TMCO1: variants seen among roughly 807,000 people sequenced by gnomAD.
The protein encoded by TMCO1 is calcium load-activated calcium channel.
Under a neutral mutation model 29.3 loss-of-function variants are expected in TMCO1, and 29 were observed. That is an observed-to-expected ratio of 0.99 (90% CI 0.74 to 1.35). The LOEUF (loss-of-function observed/expected upper bound fraction) is 1.35. Among genes scored for constraint, TMCO1 ranks in the 40% most tolerant of loss-of-function variants. The probability of loss-of-function intolerance (pLI) is 0.00; values close to 1 mark genes in which losing one functional copy is unlikely to be tolerated. For synonymous variants in TMCO1, 80 were observed against 77.1 expected (o/e 1.04, Z -0.20); for missense variants, 173 against 225.5 (o/e 0.77, Z 1.49).
chr1:165,730,500 C>T (rs1367746869), intron 6 of TMCO1, among the ~76,000 whole-genome samples: 2 of 152,182 alleles, frequency 1.3e-5, no homozygotes, highest in African/African-American at 2.4e-5. Context: ...TACTATAGCT[C>T]ATTCTTTAAG....
chr1:165,741,925 G>A (rs1651610062), intron 6 of TMCO1, among the ~76,000 whole-genome samples: 1 of 152,194 alleles, frequency 6.6e-6, no homozygotes, highest in African/African-American at 2.4e-5. Context: ...CCCAGAAGTT[G>A]AGCAGATGCT....
chr1:165,749,510 A>G (rs1651921739), intron 5 of TMCO1, among the ~76,000 whole-genome samples: 1 of 152,204 alleles, frequency 6.6e-6, no homozygotes, highest in Admixed American at 6.5e-5. Context: ...TTTAAATATA[A>G]CAAGTAGGCT....
At chr1:165,726,127 T>A (rs147838524), downstream of TMCO1, 393 of 696,214 alleles carry the variant, frequency 5.6e-4, 6 homozygotes, top group East Asian at 0.011. Context: ...CATTTCATAT[T>A]TGTCATTATT....
At chr1:165,752,210 A>T in intron 4 of TMCO1, 41 bp from the exon 5 acceptor site, 2 of 1,523,852 alleles carry the variant, frequency 1.3e-6, no homozygotes, top group Non-Finnish European at 1.8e-6. Flanking sequence ...CACTAAAAAA[A>T]AACACATCTA....
downstream of TMCO1, chr1:165,725,049 A>G (rs113685442): frequency 4.6e-6 from 1 of 217,776 alleles, no homozygotes; most frequent in Non-Finnish European, 8.7e-6. Context: ...TATATATATA[A>G]AATAGTGTAT....
At chr1:165,748,336 G>T (rs1350481966) in intron 5 of TMCO1, among the ~76,000 whole-genome samples, 1 of 152,152 alleles carries the variant, frequency 6.6e-6, no homozygotes, top group African/African-American at 2.4e-5. Flanking sequence ...GCGAAAGCAG[G>T]CTATTGTGAT....
Position 165,768,604 on chromosome 1 carries a change from T to A in TMCO1, c.70+78A>T, listed in dbSNP as rs532457464. On this transcript the variant is annotated intron_variant, in intron 1 of 6. Transcript: ENST00000367881. Reference sequence around the variant, plus strand: ...CTCAAGCAAGTAAGGCTCGCGATCTTTCCCCTGGTGGCACAGGGGACCCCG... The same window carrying A: ...CTCAAGCAAGTAAGGCTCGCGATCTATCCCCTGGTGGCACAGGGGACCCCG... The A allele has an allele frequency of 5.6e-6, 9 of 1,610,772 alleles. No homozygotes were observed. In the East Asian group the frequency reaches 2.0e-4, roughly 36 times the overall value.
rs142323674 is a variant in TMCO1 at position 165,744,091 on chromosome 1, C to T, written c.324-780G>A. 6.6e-3 allele frequency among the ~76,000 whole-genome samples: 1,008 copies of T among 152,158 alleles called. 16 individuals carry two copies. Among genetic ancestry groups the T allele is most frequent in the African/African-American group, 0.022 (911 of 41,510 alleles). On this transcript the variant is annotated intron_variant, in intron 5 of 6. Transcript: ENST00000367881. The stretch of plus-strand genomic sequence containing the variant: ...GCCTTGATGGTCTCGATCTCTTGAC[C>T]TCATGATCCGCCTGCCTCAGCCTCT...
At chr1:165,728,825 G>A (rs371743657) in intron 6 of TMCO1, among the ~76,000 whole-genome samples, 1 of 152,042 alleles carries the variant, frequency 6.6e-6, no homozygotes, top group African/African-American at 2.4e-5. Flanking sequence ...GGCCGGGTGT[G>A]GTGGCTCACG....
intron 4 of TMCO1, 63 bp downstream of exon 4, chr1:165,754,165 T>C (rs1652100683): frequency 7.1e-7 from 1 of 1,403,248 alleles, no homozygotes; most frequent in Non-Finnish European, 1.0e-6. Context: ...GCACTTGATG[T>C]AAATCAGTCT....
chr1:165,746,415 C>T (rs1571220446), intron 5 of TMCO1, among the ~76,000 whole-genome samples: 1 of 147,714 alleles, frequency 6.8e-6, no homozygotes, highest in East Asian at 2.0e-4. Flanking sequence ...AGATACTCTA[C>T]TTGACTTCTT....
At chr1:165,736,050 A>C (rs1458956770) in intron 6 of TMCO1, among the ~76,000 whole-genome samples, 1 of 152,158 alleles carries the variant, frequency 6.6e-6, no homozygotes, top group East Asian at 1.9e-4. Flanking sequence ...TGCCCTCTTT[A>C]ATGGGATTGT....
chr1:165,726,995 C>T lies in TMCO1; in HGVS notation c.*1028G>A. The T allele has an allele frequency of 2.2e-6, 1 of 454,032 alleles. No homozygotes were observed. The highest frequency in any genetic ancestry group is 4.4e-6 in the Non-Finnish European group (1 of 226,772). 28.1% of individuals were successfully genotyped at this position (454,032 alleles called of 1,614,324 possible). A position where few individuals can be genotyped will look rare whatever the true frequency, so the allele number is the denominator to read the frequency against. On this transcript the variant is annotated 3_prime_UTR_variant, in exon 7 of 7. Coordinates refer to ENST00000367881, the MANE Select transcript of TMCO1 (RefSeq NM_019026.6). ...TGTTTTTTCTCACTGGTAGAATACTCACATTTAAGTAGACATTTGATGAAT... is the reference window on the plus strand; with the variant it reads ...TGTTTTTTCTCACTGGTAGAATACTTACATTTAAGTAGACATTTGATGAAT...
chr1:165,732,181 T>C (rs1342783925), intron 6 of TMCO1, among the ~76,000 whole-genome samples: 1 of 152,110 alleles, frequency 6.6e-6, no homozygotes, highest in Non-Finnish European at 1.5e-5. Context: ...ACATCCTACA[T>C]TTCTACACAC....
At chr1:165,757,136 A>T (rs899941826) in intron 3 of TMCO1, among the ~76,000 whole-genome samples, 13 of 152,216 alleles carry the variant, frequency 8.5e-5, no homozygotes, top group African/African-American at 2.9e-4. Context: ...GAGAACTGCT[A>T]CTTTTCCTGA....
chr1:165,743,818 T>C (rs1201562112), intron 5 of TMCO1, among the ~76,000 whole-genome samples: 1 of 151,894 alleles, frequency 6.6e-6, no homozygotes, highest in Non-Finnish European at 1.5e-5. Flanking sequence ...TGAACATGCA[T>C]GAGACTTTAA....
chr1:165,761,313 C>G (rs1652394166), intron 2 of TMCO1, among the ~76,000 whole-genome samples: 1 of 151,890 alleles, frequency 6.6e-6, no homozygotes, highest in Non-Finnish European at 1.5e-5. Context: ...AGTGGGAAGA[C>G]TGCTTGAGCC....
intron 5 of TMCO1, among the ~76,000 whole-genome samples, chr1:165,747,073 C>G (rs1048325124): frequency 6.6e-6 from 1 of 151,916 alleles, no homozygotes; most frequent in Non-Finnish European, 1.5e-5. Flanking sequence ...CTAGCCTGGC[C>G]AACATGGTGA....
chr1:165,734,127 G>A (rs1405059198), intron 6 of TMCO1, among the ~76,000 whole-genome samples: 1 of 152,136 alleles, frequency 6.6e-6, no homozygotes, highest in African/African-American at 2.4e-5. Context: ...TTCCCACAAT[G>A]TAATCTTTAC....
Sources: allele counts gnomAD v4.1 joint callset (sites outside exome capture counted in the v4.1 genomes callset), GRCh38; gene constraint gnomAD v4.1.1; transcripts MANE v1.5; gene names NCBI Gene and HGNC (gene_info 2026-07-23, HGNC 2026-07-21).